The following NPNT variants were observed in gnomAD, a reference collection of about 807,000 sequenced individuals.
NPNT encodes nephronectin.
A neutral mutation model predicts 68.6 loss-of-function variants in NPNT; 45 were observed. That is an observed-to-expected ratio of 0.66 (90% CI 0.52 to 0.84). The LOEUF is 0.84. Ranked by LOEUF, NPNT falls within the 40% of genes least tolerant of loss-of-function variation. The pLI, the probability that NPNT is intolerant of heterozygous loss-of-function variation, is 0.00. For synonymous variants in NPNT, 233 were observed against 253.3 expected (o/e 0.92, Z 0.76); for missense variants, 672 against 714.8 (o/e 0.94, Z 0.68).
chr4:105,966,449 T>C (rs1732145829), intron 10 of NPNT, among the ~76,000 whole-genome samples: 1 of 152,196 alleles, frequency 6.6e-6, no homozygotes, highest in African/African-American at 2.4e-5. Flanking sequence ...AATATTTGTG[T>C]TCATGTATAT....
At chr4:105,945,757 A>G (rs967834513) in intron 8 of NPNT, among the ~76,000 whole-genome samples, 1 of 152,228 alleles carries the variant, frequency 6.6e-6, no homozygotes, top group African/African-American at 2.4e-5. Flanking sequence ...TAAGGTACAC[A>G]TACTATATAG....
intron 2 of NPNT, among the ~76,000 whole-genome samples, chr4:105,903,359 G>A (rs1726580148): frequency 6.6e-6 from 1 of 152,154 alleles, no homozygotes; most frequent in African/African-American, 2.4e-5. Context: ...CAGTGGGTAA[G>A]GGAAGATATT....
intron 8 of NPNT, among the ~76,000 whole-genome samples, chr4:105,952,107 A>G (rs1730882994): frequency 6.6e-6 from 1 of 152,218 alleles, no homozygotes; most frequent in Admixed American, 6.5e-5. Flanking sequence ...ATTCATTTAT[A>G]TAGTAATGAT....
intron 2 of NPNT, among the ~76,000 whole-genome samples, chr4:105,908,080 C>T (rs1346033953): frequency 1.3e-5 from 2 of 151,980 alleles, no homozygotes; most frequent in African/African-American, 4.8e-5. Flanking sequence ...TGGGAGGAAA[C>T]AGATATGAAT....
chr4:105,908,774 A>T lies in NPNT; in HGVS notation c.172+10773A>T, dbSNP rs575625959. On this transcript the variant is annotated intron_variant, in intron 2 of 11. Coordinates refer to ENST00000379987, the MANE Select transcript of NPNT (RefSeq NM_001033047.3). ...GAGACAGGGTTTTACCATGTTAGGC[A>T]GGATGGTCTCGATCTCCTGACCTCG... is the stretch of plus-strand genomic sequence containing the variant. 1.1e-4 allele frequency among the ~76,000 whole-genome samples: 17 copies of T among 152,260 alleles called. No homozygotes were observed. The East Asian group carries it at 2.7e-3, about 24-fold the overall frequency.
rs542719280 is a variant in NPNT, at chr4:105,971,248, G to C, written c.*2258G>C. Reference sequence around the variant, plus strand: ...GGCAGACCTTTCCTTCACCTCATCAGTATGATTCAGTTTCTCTTATCAATT... The same window carrying C: ...GGCAGACCTTTCCTTCACCTCATCACTATGATTCAGTTTCTCTTATCAATT... On this transcript the variant is annotated 3_prime_UTR_variant, in exon 12 of 12. Coordinates refer to ENST00000379987, the MANE Select transcript of NPNT (RefSeq NM_001033047.3). 2 of 424,020 alleles carry C rather than the reference G, an allele frequency of 4.7e-6. No homozygotes were observed. Among genetic ancestry groups the C allele is most frequent in the South Asian group, 3.3e-5 (2 of 60,552 alleles). The allele number at this position is 424,020 out of a possible 1,614,324, so 26.3% of individuals were successfully genotyped here.
chr4:105,895,635 C>T lies in NPNT; in HGVS notation c.-18C>T. On this transcript the variant is annotated 5_prime_UTR_variant, in exon 1 of 12. Transcript: ENST00000379987. ...CCTCGCGCGCCACTGCGCTGCGCCCCAGGACCCGCTGCCCAACATGGATTT... is the reference window on the plus strand; with the variant it reads ...CCTCGCGCGCCACTGCGCTGCGCCCTAGGACCCGCTGCCCAACATGGATTT... 1 of 1,548,746 alleles carries T rather than the reference C, an allele frequency of 6.5e-7. No individual in the cohort carries two copies. The highest frequency in any genetic ancestry group is 8.7e-7 in the Non-Finnish European group (1 of 1,146,284).
At chr4:105,925,719 G>T (rs1391750468) in intron 2 of NPNT, among the ~76,000 whole-genome samples, 1 of 152,086 alleles carries the variant, frequency 6.6e-6, no homozygotes, top group Non-Finnish European at 1.5e-5. Flanking sequence ...GATTATTGAA[G>T]CTCATTTCTT....
At chr4:105,928,890 C>T (rs1420618278) in intron 3 of NPNT, among the ~76,000 whole-genome samples, 1 of 151,940 alleles carries the variant, frequency 6.6e-6, no homozygotes, top group Non-Finnish European at 1.5e-5. Context: ...TTCCAAGATA[C>T]TCCTTGAGGT....
intron 2 of NPNT, among the ~76,000 whole-genome samples, chr4:105,904,531 A>G (rs1726716306): frequency 6.6e-6 from 1 of 152,184 alleles, no homozygotes; most frequent in African/African-American, 2.4e-5. Context: ...ACCAGAGGCA[A>G]TGGGCTGAAG....
intron 1 of NPNT, among the ~76,000 whole-genome samples, chr4:105,897,244 T>C (rs1030016566): frequency 2.6e-5 from 4 of 152,230 alleles, no homozygotes. Flanking sequence ...GAAAATACTA[T>C]GAATTGTTGA....
intron 8 of NPNT, among the ~76,000 whole-genome samples, chr4:105,950,604 A>AT (rs1350011880): frequency 4.0e-5 from 6 of 151,528 alleles, no homozygotes; most frequent in Admixed American, 2.6e-4. Context: ...CACCCAGCTA[A>AT]TTTTTTTTGT....
At chr4:105,908,736 T>G (rs1578585945) in intron 2 of NPNT, among the ~76,000 whole-genome samples, 1 of 152,070 alleles carries the variant, frequency 6.6e-6, no homozygotes, top group East Asian at 1.9e-4. Flanking sequence ...ACTAATTTTT[T>G]GTATTTTTAG....
chr4:105,923,051 C>T (rs912985562), intron 2 of NPNT, among the ~76,000 whole-genome samples: 1 of 152,140 alleles, frequency 6.6e-6, no homozygotes, highest in Non-Finnish European at 1.5e-5. Flanking sequence ...TTACTCCAAA[C>T]AAGAATTTTA....
At chr4:105,900,022 T>C (rs779908397) in intron 2 of NPNT, among the ~76,000 whole-genome samples, 1 of 152,250 alleles carries the variant, frequency 6.6e-6, no homozygotes, top group South Asian at 2.1e-4. Context: ...GTTTTGTCAC[T>C]ACGTTTGTTC....
intron 2 of NPNT, among the ~76,000 whole-genome samples, chr4:105,922,607 G>A (rs1205616110): frequency 1.3e-5 from 2 of 151,762 alleles, no homozygotes; most frequent in Non-Finnish European, 2.9e-5. Flanking sequence ...CAAACTCCTA[G>A]GATGGATTTT....
chr4:105,940,271 T>C, intron 6 of NPNT, 62 bp downstream of exon 6: 1 of 1,528,120 alleles, frequency 6.5e-7, no homozygotes, highest in Non-Finnish European at 9.0e-7. Flanking sequence ...GGTCTCGTAA[T>C]TGTGGTGATG....
chr4:105,917,031 A>G (rs182320721), intron 2 of NPNT, among the ~76,000 whole-genome samples: 101 of 152,296 alleles, frequency 6.6e-4, no homozygotes, highest in Non-Finnish European at 1.1e-3. Flanking sequence ...TTTAGATTCT[A>G]AACAGAAATC....
chr4:105,895,718 C>G lies in NPNT; in HGVS notation c.66C>G (p.Asp22Glu), dbSNP rs1439896748. 2 of 1,552,852 alleles carry G rather than the reference C, an allele frequency of 1.3e-6. No individual in the cohort carries two copies. The highest frequency in any genetic ancestry group is 1.7e-6 in the Non-Finnish European group (2 of 1,147,586). ...ACCTGCAGGCGGCCGCCGAGTTCGACGGGAGGTGAGCTGGGCCCCGGGGCG... is the reference window on the plus strand; with the variant it reads ...ACCTGCAGGCGGCCGCCGAGTTCGAGGGGAGGTGAGCTGGGCCCCGGGGCG... ...SLYLQAAAEF[D>E]GRWPRQIVSS... The change falls in exon 1 of 12, where the codon GAC (aspartate) becomes GAG (glutamate). Residue 22 changes from aspartate (D) to glutamate (E), a missense_variant. Asp to Glu is a conservative substitution (Grantham distance 45, BLOSUM62 2). Coordinates refer to ENST00000379987, the MANE Select transcript of NPNT (RefSeq NM_001033047.3).
Sources: gnomAD v4.1 joint callset for allele counts (sites outside exome capture counted in the v4.1 genomes callset) on GRCh38, gnomAD v4.1.1 for gene constraint, MANE v1.5 for transcripts, NCBI Gene and HGNC (gene_info 2026-07-23, HGNC 2026-07-21) for gene names.